Variants in NCKAP5 observed in about 807,000 individuals in gnomAD.
NCKAP5 encodes NCK associated protein 5.
Under a neutral mutation model 167.0 loss-of-function variants are expected in NCKAP5, and 92 were observed. The observed-to-expected ratio is 0.55, with a 90% CI of 0.47 to 0.66. The LOEUF (loss-of-function observed/expected upper bound fraction) is 0.66. Ranked by LOEUF, NCKAP5 falls within the 30% of genes least tolerant of loss-of-function variation. The pLI is 0.00. For missense variants in NCKAP5, 2,378 were observed against 2,315.0 expected (o/e 1.03, Z -0.56); for synonymous variants, 891 against 877.4 (o/e 1.02, Z -0.27).
intron 5 of NCKAP5, among the ~76,000 whole-genome samples, chr2:133,190,702 A>C (rs1019558496): frequency 1.3e-5 from 2 of 152,206 alleles, no homozygotes; most frequent in African/African-American, 4.8e-5. Flanking sequence ...GGTGCTGGAA[A>C]AAACTGGCTA....
At chr2:133,624,202 G>A in the NCKAP5 span, among the ~76,000 whole-genome samples, 7 of 151,940 alleles carry the variant, frequency 4.6e-5, no homozygotes, top group East Asian at 3.9e-4. Flanking sequence ...GGTGATGGGC[G>A]CACCAAAATC....
intron 5 of NCKAP5, among the ~76,000 whole-genome samples, chr2:133,174,146 G>A (rs2084360615): frequency 6.6e-6 from 1 of 152,156 alleles, no homozygotes; most frequent in Non-Finnish European, 1.5e-5. Context: ...TCTCTTCTAA[G>A]CTGTAGCAGT....
chr2:133,361,837 C>T (rs750866175), intron 3 of NCKAP5, among the ~76,000 whole-genome samples: 5 of 152,144 alleles, frequency 3.3e-5, no homozygotes, highest in Admixed American at 6.5e-5. Context: ...AGCAAAATAG[C>T]ACCATCTGTT....
chr2:133,558,951 C>A (rs1897433), intron 2 of NCKAP5, 99 bp downstream of exon 2: 47,389 of 151,696 alleles, frequency 0.31, 7,748 homozygotes, highest in South Asian at 0.4. Flanking sequence ...CACTGAAGTA[C>A]AAGGGCCTAC....
chr2:133,232,444 G>C (rs983837023), intron 4 of NCKAP5, among the ~76,000 whole-genome samples: 1 of 152,152 alleles, frequency 6.6e-6, no homozygotes, highest in African/African-American at 2.4e-5. Flanking sequence ...AACAGACAAA[G>C]TTAGGAACTG....
rs1682312944 is a variant in NCKAP5, at chr2:132,773,884, G to T, written c.5060C>A (p.Ala1687Glu). 6.2e-7 allele frequency: 1 copy of T among 1,609,332 alleles called. No homozygotes were observed. The highest frequency in any genetic ancestry group is 8.5e-7 in the Non-Finnish European group (1 of 1,178,536). The change falls in exon 16 of 20, where the codon GCA (alanine) becomes GAA (glutamate). Residue 1687 changes from alanine (A) to glutamate (E), a missense_variant. By Grantham distance (107) the Ala-to-Glu change is moderately radical. Around this residue, in one of 3 missense-constraint regions of NCKAP5, gnomAD observed 1,325 missense variants for 1,274.5 expected, o/e 1.04. Coordinates refer to ENST00000409261, the MANE Select transcript of NCKAP5 (RefSeq NM_207363.3). ...TTCATCCTCTTGCAAGTTTTCATTTGCCTCTTTTACCTGCAGGAAGAAGAA... is the reference window on the plus strand; with the variant it reads ...TTCATCCTCTTGCAAGTTTTCATTTTCCTCTTTTACCTGCAGGAAGAAGAA... ...EVPKDSLVKE[A>E]NENLQEDEDD...
At chr2:133,456,262 T>G (rs986943022) in intron 3 of NCKAP5, among the ~76,000 whole-genome samples, 1 of 152,142 alleles carries the variant, frequency 6.6e-6, no homozygotes, top group African/African-American at 2.4e-5. Context: ...CAGGCCCCCA[T>G]GCAGAAAGGA....
At chr2:132,875,283 G>C (rs1691179203) in intron 9 of NCKAP5, among the ~76,000 whole-genome samples, 1 of 152,164 alleles carries the variant, frequency 6.6e-6, no homozygotes, top group African/African-American at 2.4e-5. Flanking sequence ...AGCACTTGCT[G>C]TTCTGGATCT....
chr2:133,475,363 C>T (rs926905266), intron 3 of NCKAP5, among the ~76,000 whole-genome samples: 1 of 152,186 alleles, frequency 6.6e-6, no homozygotes, highest in African/African-American at 2.4e-5. Flanking sequence ...GTCACACTGT[C>T]CTTTCTGTTC....
chr2:133,160,408 C>CTTTTTTTTTTTTTTTCTTTTCCTTTCT (rs59557631), intron 5 of NCKAP5, among the ~76,000 whole-genome samples: 1 of 121,154 alleles, frequency 8.3e-6, no homozygotes, highest in African/African-American at 3.3e-5. Flanking sequence ...AGGTCACATT[C>CTTTTTTTTTTTTTTTCTTTTCCTTTCT]TTTTTTTTTT....
intron 3 of NCKAP5, among the ~76,000 whole-genome samples, chr2:133,353,510 G>C (rs1034787168): frequency 1.3e-5 from 2 of 152,130 alleles, no homozygotes; most frequent in African/African-American, 4.8e-5. Context: ...GGGTAGAAGA[G>C]GGTGGTTCCC....
intron 6 of NCKAP5, chr2:133,121,960 G>T (rs927708115): frequency 5.3e-5 from 8 of 152,146 alleles, no homozygotes; most frequent in African/African-American, 1.9e-4. Context: ...ATCACACAAA[G>T]TCAAAGAAGC....
At chr2:132,792,690 T>C (rs1684166068) in intron 12 of NCKAP5, among the ~76,000 whole-genome samples, 1 of 152,236 alleles carries the variant, frequency 6.6e-6, no homozygotes, top group Non-Finnish European at 1.5e-5. Flanking sequence ...ATGACCTTTC[T>C]GCACTCTGCC....
At position 133,036,133 on chromosome 2, in the gene NCKAP5, G is replaced by A. The variant is rs116670781; in HGVS notation, c.342-41894C>T. ...CAAGATTGAATGAGGAAAAAAATCC[G>A]AAACCTGAACAGACCAATAACAAAT... On this transcript the variant is annotated intron_variant, in intron 6 of 19. Transcript: ENST00000409261. 9.3e-3 allele frequency among the ~76,000 whole-genome samples: 1,416 copies of A among 151,790 alleles called. 24 individuals carry two copies. The highest frequency in any genetic ancestry group is 0.031 in the African/African-American group (1,301 of 41,482).
chr2:133,502,319 A>G (rs1682591041), intron 3 of NCKAP5, among the ~76,000 whole-genome samples: 1 of 152,252 alleles, frequency 6.6e-6, no homozygotes, highest in East Asian at 1.9e-4. Context: ...GTTATGGGCC[A>G]TGGGTTCTTT....
intron 16 of NCKAP5, among the ~76,000 whole-genome samples, chr2:132,746,546 A>G (rs1270750821): frequency 6.6e-6 from 1 of 152,166 alleles, no homozygotes; most frequent in Non-Finnish European, 1.5e-5. Flanking sequence ...GATTTAATCA[A>G]AATTAAAAAT....
At chr2:133,311,368 G>A (rs1681218704) in intron 3 of NCKAP5, among the ~76,000 whole-genome samples, 1 of 152,240 alleles carries the variant, frequency 6.6e-6, no homozygotes, top group Admixed American at 6.5e-5. Context: ...GGGAGAAGGG[G>A]TTCAGAACTT....
intron 8 of NCKAP5, among the ~76,000 whole-genome samples, chr2:132,914,046 A>G (rs1410996571): frequency 6.6e-6 from 1 of 152,204 alleles, no homozygotes; most frequent in Admixed American, 6.5e-5. Context: ...CCACCTTGAA[A>G]AATAAGCATA....
the NCKAP5 span, among the ~76,000 whole-genome samples, chr2:133,656,876 A>C: frequency 6.6e-6 from 1 of 151,818 alleles, no homozygotes; most frequent in Non-Finnish European, 1.5e-5. Context: ...ATATCACCCA[A>C]GCAGTATACA....
Sources: allele counts gnomAD v4.1 joint callset (sites outside exome capture counted in the v4.1 genomes callset), GRCh38; gene constraint gnomAD v4.1.1; regional missense constraint gnomAD v4.1.1; transcripts MANE v1.5; gene names NCBI Gene and HGNC (gene_info 2026-07-23, HGNC 2026-07-21).